DPYS: variants seen among roughly 807,000 people sequenced by gnomAD.
DPYS encodes dihydropyrimidine amidohydrolase.
A neutral mutation model predicts 50.3 loss-of-function variants in DPYS; 39 were observed. That is an observed-to-expected ratio of 0.78 (90% CI 0.60 to 1.01). The LOEUF is 1.01. DPYS is among the 50% of genes least tolerant of loss of function. DPYS has a pLI of 0.00. For synonymous variants in DPYS, 245 were observed against 250.7 expected, an observed-to-expected ratio of 0.98 and a Z score of 0.22; for missense variants, 659 against 680.9, an observed-to-expected ratio of 0.97 and a Z score of 0.36.
At chr8:104,425,815 G>A (rs112873269) in intron 6 of DPYS, among the ~76,000 whole-genome samples, 13 of 152,220 alleles carry the variant, frequency 8.5e-5, no homozygotes, top group African/African-American at 2.9e-4. Context: ...TGGTAAGAGG[G>A]TACTAAAGGT....
At position 104,466,809 on chromosome 8, in the gene DPYS, C is replaced by A; in HGVS notation, c.112G>T (p.Asp38Tyr). Residue 38 changes from aspartate to tyrosine, a missense_variant, in exon 1 of 10, where the codon GAC becomes TAC. Coordinates refer to ENST00000351513, the MANE Select transcript of DPYS (RefSeq NM_001385.3). The stretch of plus-strand genomic sequence containing the variant: ...GGAGCGCCCCCGGGAGGCAGCAGGT[C>A]GTGCCCGAGTGCCCGCACCACGCCG... ...EDGVVRALGH[D>Y]LLPPGGAPAG... 6.5e-7 allele frequency: 1 copy of A among 1,533,904 alleles called. No individual in the cohort carries two copies. Among genetic ancestry groups the A allele is most frequent in the Non-Finnish European group, 8.7e-7 (1 of 1,145,642 alleles).
intron 4 of DPYS, among the ~76,000 whole-genome samples, chr8:104,437,250 A>AG (rs1813184142): frequency 6.6e-6 from 1 of 152,130 alleles, no homozygotes; most frequent in South Asian, 2.1e-4. Flanking sequence ...CCTACTACTA[A>AG]ATATAGCCTT....
At chr8:104,400,952 C>T (rs559755116) in intron 7 of DPYS, among the ~76,000 whole-genome samples, 14 of 152,320 alleles carry the variant, frequency 9.2e-5, no homozygotes, top group Admixed American at 7.8e-4. Flanking sequence ...ATCACTGAAG[C>T]AGAGCCTGCA....
At chr8:104,463,810 G>A (rs550466936) in intron 1 of DPYS, among the ~76,000 whole-genome samples, 15 of 152,276 alleles carry the variant, frequency 9.9e-5, no homozygotes, top group South Asian at 6.2e-4. Flanking sequence ...ACCCACCAGC[G>A]TTGCTTTGGG....
chr8:104,413,978 T>C (rs1812281545), intron 7 of DPYS, among the ~76,000 whole-genome samples: 1 of 152,156 alleles, frequency 6.6e-6, no homozygotes, highest in Admixed American at 6.5e-5. Flanking sequence ...GGAATCCATA[T>C]CTGGTGATGG....
chr8:104,388,217 G>A (rs1811272939), intron 8 of DPYS, among the ~76,000 whole-genome samples: 1 of 152,052 alleles, frequency 6.6e-6, no homozygotes, highest in Admixed American at 6.5e-5. Flanking sequence ...TTATCTACAA[G>A]GCAAATTATG....
At chr8:104,391,031 C>T (rs1811368592) in intron 8 of DPYS, among the ~76,000 whole-genome samples, 1 of 152,164 alleles carries the variant, frequency 6.6e-6, no homozygotes. Flanking sequence ...GAAATATTAA[C>T]TGTAACCTTA....
intron 7 of DPYS, among the ~76,000 whole-genome samples, chr8:104,399,886 A>G (rs896127002): frequency 3.3e-5 from 5 of 151,328 alleles, no homozygotes; most frequent in African/African-American, 9.7e-5. Context: ...AAAAAAAAAA[A>G]AAAAGAAAGA....
chr8:104,454,994 T>C (rs1203903278), intron 1 of DPYS, among the ~76,000 whole-genome samples: 2 of 152,242 alleles, frequency 1.3e-5, no homozygotes, highest in African/African-American at 4.8e-5. Flanking sequence ...GTAGGTACTA[T>C]GGTTAACTCC....
At chr8:104,406,612 T>C (rs1015769851) in intron 7 of DPYS, among the ~76,000 whole-genome samples, 5 of 152,118 alleles carry the variant, frequency 3.3e-5, no homozygotes, top group African/African-American at 9.7e-5. Context: ...CAGCTCATGG[T>C]TGGGGTTCGA....
intron 7 of DPYS, among the ~76,000 whole-genome samples, chr8:104,398,618 A>C (rs1222499778): frequency 1.3e-5 from 2 of 152,216 alleles, no homozygotes; most frequent in African/African-American, 4.8e-5. Context: ...CTTTTGTGAT[A>C]ATTTGAAAAA....
chr8:104,421,525 T>C (rs1371873403), intron 7 of DPYS: 2 of 152,052 alleles, frequency 1.3e-5, no homozygotes, highest in South Asian at 2.1e-4. Context: ...TCCCAGCTAC[T>C]AGGGAGGCTG....
At chr8:104,461,866 C>A (rs1814184436) in intron 1 of DPYS, among the ~76,000 whole-genome samples, 1 of 151,994 alleles carries the variant, frequency 6.6e-6, no homozygotes, top group Non-Finnish European at 1.5e-5. Context: ...TATTTAAGGA[C>A]AGGGGGAAAT....
chr8:104,430,213 C>T (rs902755169), intron 4 of DPYS, among the ~76,000 whole-genome samples: 11 of 152,122 alleles, frequency 7.2e-5, no homozygotes, highest in Admixed American at 7.2e-4. Context: ...AATTCAACCA[C>T]AGCATATCTC....
intron 1 of DPYS, among the ~76,000 whole-genome samples, chr8:104,455,099 C>A (rs1588460256): frequency 6.6e-6 from 1 of 152,188 alleles, no homozygotes; most frequent in East Asian, 1.9e-4. Flanking sequence ...ATGTAACAAA[C>A]CTGTACATTC....
At position 104,379,788 on chromosome 8, in the gene DPYS, T is replaced by A. The variant is rs781457040; in HGVS notation, c.*70A>T. ...TGAATAAGGCCTGCTTCTCCATGGG[T>A]TGACAATGTTTGGCTGTGAAGGGAA... is the stretch of plus-strand genomic sequence containing the variant. On this transcript the variant is annotated 3_prime_UTR_variant, in exon 10 of 10. Coordinates refer to ENST00000351513, the MANE Select transcript of DPYS (RefSeq NM_001385.3). 4.4e-6 allele frequency: 2 copies of A among 456,480 alleles called. No homozygotes were observed. The allele number at this position is 456,480 out of a possible 1,614,324, so 28.3% of individuals were successfully genotyped here.
At chr8:104,394,538 G>A (rs1811514371) in intron 7 of DPYS, among the ~76,000 whole-genome samples, 1 of 151,796 alleles carries the variant, frequency 6.6e-6, no homozygotes, top group African/African-American at 2.4e-5. Context: ...GGCTCCCACT[G>A]GAGTCTATAC....
rs752417333 is a variant in DPYS, at chr8:104,444,404, C to G, written c.637G>C (p.Gly213Arg). 1 of 1,614,218 alleles carries G rather than the reference C, an allele frequency of 6.2e-7. No homozygotes were observed. Among genetic ancestry groups the G allele is most frequent in the East Asian group, 2.2e-5 (1 of 44,878 alleles). ...AKKMLALGIT[G>R]PEGHELCRPE... ...CGGCACAGCTCGTGGCCCTCAGGGCCTGTTATCCCCAGAGCCAACATCTTC... is the reference window on the plus strand; with the variant it reads ...CGGCACAGCTCGTGGCCCTCAGGGCGTGTTATCCCCAGAGCCAACATCTTC... The change falls in exon 4 of 10, where the codon GGC becomes CGC. Residue 213 changes from glycine to arginine, a missense_variant. Coordinates refer to ENST00000351513, the MANE Select transcript of DPYS (RefSeq NM_001385.3).
intron 1 of DPYS, 115 bp downstream of exon 1, chr8:104,466,542 C>T: frequency 3.3e-6 from 4 of 1,229,484 alleles, no homozygotes; most frequent in Non-Finnish European, 4.2e-6. Flanking sequence ...CCCGCCCACC[C>T]AGCTCCTCGG....
Sources: allele counts gnomAD v4.1 joint callset (sites outside exome capture counted in the v4.1 genomes callset), GRCh38; gene constraint gnomAD v4.1.1; transcripts MANE v1.5; gene names NCBI Gene and HGNC (gene_info 2026-07-23, HGNC 2026-07-21).